ZBTB20: variants seen among roughly 807,000 people sequenced by gnomAD.
ZBTB20 encodes the protein zinc finger and BTB domain containing 20.
A neutral mutation model predicts 56.9 loss-of-function variants in ZBTB20; 9 were observed. The observed-to-expected ratio is 0.16, with a 90% CI of 0.10 to 0.28. The LOEUF (loss-of-function observed/expected upper bound fraction) is 0.28, where lower values mean the gene tolerates loss of function less well. ZBTB20 is among the 10% of genes least tolerant of loss of function. The pLI is 1.00. For synonymous variants in ZBTB20, 417 were observed against 420.7 expected, an observed-to-expected ratio of 0.99 and a Z score of 0.11; for missense variants, 655 against 1,003.0, an observed-to-expected ratio of 0.65 and a Z score of 4.69.
At chr3:114,599,696 T>C (rs536334027) in intron 6 of ZBTB20, among the ~76,000 whole-genome samples, 1 of 152,058 alleles carries the variant, frequency 6.6e-6, no homozygotes, top group Non-Finnish European at 1.5e-5. Context: ...AAAATACCTC[T>C]ATTATTATTG....
intron 4 of ZBTB20, among the ~76,000 whole-genome samples, chr3:114,852,594 T>A (rs2075058088): frequency 6.6e-6 from 1 of 152,132 alleles, no homozygotes; most frequent in African/African-American, 2.4e-5. Context: ...GAGGCCACAA[T>A]GTCTTCTATT....
intron 6 of ZBTB20, among the ~76,000 whole-genome samples, chr3:114,546,519 T>C (rs2049900586): frequency 1.3e-5 from 2 of 151,708 alleles, no homozygotes; most frequent in Non-Finnish European, 2.9e-5. Flanking sequence ...GTTATGGATA[T>C]ATGGATATGC....
At chr3:114,450,691 G>C (rs890951577) in intron 7 of ZBTB20, among the ~76,000 whole-genome samples, 1 of 152,028 alleles carries the variant, frequency 6.6e-6, no homozygotes. Flanking sequence ...ATGTAGATAA[G>C]AATAATGTGT....
In ZBTB20 at chr3:114,380,331, C is replaced by A. The variant is rs545197496; in HGVS notation, c.85G>T (p.Ala29Ser). 2.6e-6 allele frequency: 4 copies of A among 1,537,034 alleles called. No homozygotes were observed. The African/African-American group carries it at 5.5e-5, about 21-fold the overall frequency. The part of the protein sequence containing the change: ...NEITQPGGSS[A>S]KPGLPCLNFE... ...TTCAGGCAGGGAAGGCCCGGCTTGGCGCTGGATCCACCCGGCTGAGTAATC... is the reference window on the plus strand; with the variant it reads ...TTCAGGCAGGGAAGGCCCGGCTTGGAGCTGGATCCACCCGGCTGAGTAATC... The change falls in exon 10 of 12, where the codon GCC becomes TCC. Residue 29 changes from alanine to serine, a missense_variant. Transcript: ENST00000675478.
chr3:114,906,135 T>C (rs1231941936), intron 3 of ZBTB20, among the ~76,000 whole-genome samples: 2 of 151,846 alleles, frequency 1.3e-5, no homozygotes, highest in Admixed American at 1.3e-4. Flanking sequence ...GGGTCTAGTT[T>C]AGTGCCTGAC....
intron 2 of ZBTB20, among the ~76,000 whole-genome samples, chr3:114,989,257 C>A (rs890414921): frequency 6.6e-6 from 1 of 152,082 alleles, no homozygotes; most frequent in African/African-American, 2.4e-5. Context: ...AGTCTTTAAT[C>A]CATCTTGAAT....
At chr3:114,992,749 A>G (rs772488239) in intron 2 of ZBTB20, among the ~76,000 whole-genome samples, 8 of 151,958 alleles carry the variant, frequency 5.3e-5, no homozygotes, top group Non-Finnish European at 1.0e-4. Context: ...AGACTAGCCC[A>G]GAGACAGAGT....
chr3:114,457,735 C>T lies in ZBTB20; in HGVS notation c.-255+42617G>A, dbSNP rs140997572. Among the ~76,000 whole-genome samples, 40 of 152,140 alleles carry T rather than the reference C, an allele frequency of 2.6e-4. No homozygotes were observed. In the East Asian group the frequency reaches 6.2e-3, roughly 24 times the overall value. On this transcript the variant is annotated intron_variant, in intron 7 of 11. Transcript: ENST00000675478. ...CTATGAATGAGGTACTACCAATATC[C>T]GCATTTCATAGAAAAGAAAACTGAG...
chr3:114,690,711 C>G (rs57841983), intron 6 of ZBTB20, among the ~76,000 whole-genome samples: 1 of 152,092 alleles, frequency 6.6e-6, no homozygotes, highest in Non-Finnish European at 1.5e-5. Context: ...ATATAATTCC[C>G]CCTTTTACAT....
intron 3 of ZBTB20, among the ~76,000 whole-genome samples, chr3:114,964,193 T>C (rs1158567792): frequency 2.0e-5 from 3 of 152,100 alleles, no homozygotes; most frequent in African/African-American, 4.8e-5. Context: ...GGTGGGTGGA[T>C]CACCTGAGGT....
chr3:114,895,020 A>C (rs965595246), intron 4 of ZBTB20, among the ~76,000 whole-genome samples: 8 of 152,134 alleles, frequency 5.3e-5, no homozygotes, highest in Non-Finnish European at 1.2e-4. Flanking sequence ...ATTGCTGTAC[A>C]AGAAGATACT....
intron 1 of ZBTB20, among the ~76,000 whole-genome samples, chr3:115,086,625 G>C (rs2082995845): frequency 2.6e-5 from 4 of 151,786 alleles, no homozygotes; most frequent in African/African-American, 9.7e-5. Context: ...GGTTCAAACT[G>C]CAATTCTTAG....
chr3:114,386,841 G>A (rs1021170085), intron 8 of ZBTB20, among the ~76,000 whole-genome samples: 1 of 152,038 alleles, frequency 6.6e-6, no homozygotes, highest in Admixed American at 6.5e-5. Context: ...ATACTTTCTG[G>A]AAGGAAAGAC....
At chr3:115,140,415 G>A (rs2084779719) in intron 1 of ZBTB20, among the ~76,000 whole-genome samples, 1 of 151,928 alleles carries the variant, frequency 6.6e-6, no homozygotes, top group Non-Finnish European at 1.5e-5. Flanking sequence ...GTAAAAACTC[G>A]TTAGAAGTAA....
chr3:114,402,374 G>A (rs1249199277), intron 7 of ZBTB20, among the ~76,000 whole-genome samples: 1 of 152,024 alleles, frequency 6.6e-6, no homozygotes, highest in African/African-American at 2.4e-5. Context: ...AAGCAAACAG[G>A]AGAAAGAAAA....
intron 6 of ZBTB20, among the ~76,000 whole-genome samples, chr3:114,512,780 TGAAAGAGGGAATGGA>T (rs1234711015): frequency 6.6e-6 from 1 of 152,162 alleles, no homozygotes; most frequent in East Asian, 1.9e-4. Context: ...CTTTCTTTTT[TGAAAGAGGGAATGGA>T]GCCTCAGCCC....
At chr3:114,426,822 T>C (rs1170417306) in intron 7 of ZBTB20, among the ~76,000 whole-genome samples, 1 of 152,186 alleles carries the variant, frequency 6.6e-6, no homozygotes, top group South Asian at 2.1e-4. Context: ...AAAAATTATA[T>C]TTTTAATTGT....
intron 7 of ZBTB20, among the ~76,000 whole-genome samples, chr3:114,403,625 T>C (rs1297236729): frequency 1.3e-5 from 2 of 151,974 alleles, no homozygotes; most frequent in Non-Finnish European, 2.9e-5. Flanking sequence ...CGTCTCCATA[T>C]TTGTACAACA....
chr3:114,416,764 G>C (rs376559965), intron 7 of ZBTB20, among the ~76,000 whole-genome samples: 2 of 151,994 alleles, frequency 1.3e-5, no homozygotes, highest in African/African-American at 4.8e-5. Context: ...AATATGCTCC[G>C]GTTTGAAACT....
Sources: allele counts gnomAD v4.1 joint callset (sites outside exome capture counted in the v4.1 genomes callset), GRCh38; gene constraint gnomAD v4.1.1; transcripts MANE v1.5; gene names NCBI Gene and HGNC (gene_info 2026-07-23, HGNC 2026-07-21).